Variants in CSMD1 observed in about 807,000 individuals in gnomAD.
CSMD1 encodes the protein CUB and Sushi multiple domains 1.
CSMD1 carries 213 observed loss-of-function variants against 417.5 expected under a neutral mutation model. That is an observed-to-expected ratio of 0.51 (90% confidence interval 0.46 to 0.57). CSMD1 has a LOEUF of 0.57. Ranked by LOEUF, CSMD1 falls within the 20% of genes least tolerant of loss-of-function variation. The probability of loss-of-function intolerance (pLI) is 0.00; values close to 1 mark genes in which losing one functional copy is unlikely to be tolerated. For synonymous variants in CSMD1, 2,862 were observed against 1,736.8 expected (o/e 1.65, Z -16.11); for missense variants, 6,923 against 4,529.7 (o/e 1.53, Z -15.17).
intron 3 of CSMD1, among the ~76,000 whole-genome samples, chr8:4,169,704 G>C (rs1359930334): frequency 1.3e-5 from 2 of 152,096 alleles, no homozygotes; most frequent in East Asian, 1.9e-4. Flanking sequence ...CCCTGTGCAT[G>C]GCTTGCTCCC....
At chr8:4,533,693 AG>A (rs2130474427) in intron 2 of CSMD1, among the ~76,000 whole-genome samples, 1 of 152,296 alleles carries the variant, frequency 6.6e-6, no homozygotes, top group African/African-American at 2.4e-5. Context: ...ATCATCAAAA[AG>A]TTTACAAATG....
At chr8:4,020,410 T>A (rs1261563280) in intron 4 of CSMD1, among the ~76,000 whole-genome samples, 2 of 152,218 alleles carry the variant, frequency 1.3e-5, no homozygotes, top group Non-Finnish European at 2.9e-5. Flanking sequence ...ATGACATCTG[T>A]TCAAAATATT....
chr8:3,712,840 G>A (rs564008390), intron 6 of CSMD1, among the ~76,000 whole-genome samples: 3 of 152,288 alleles, frequency 2.0e-5, no homozygotes, highest in Non-Finnish European at 4.4e-5. Context: ...GGTCTACAGA[G>A]GCCAGGGCTG....
At chr8:4,438,913 A>C (rs543820767) in intron 2 of CSMD1, among the ~76,000 whole-genome samples, 6 of 152,366 alleles carry the variant, frequency 3.9e-5, no homozygotes, top group African/African-American at 1.2e-4. Context: ...TTAAGTATGC[A>C]TAAGTAACAA....
chr8:4,088,242 G>C (rs1450464786), intron 3 of CSMD1, among the ~76,000 whole-genome samples: 1 of 152,180 alleles, frequency 6.6e-6, no homozygotes, highest in Non-Finnish European at 1.5e-5. Flanking sequence ...CTCAGAAGCT[G>C]AGAAGTAGAT....
At chr8:4,099,349 G>C (rs776557123) in intron 3 of CSMD1, among the ~76,000 whole-genome samples, 1 of 151,908 alleles carries the variant, frequency 6.6e-6, no homozygotes, top group East Asian at 1.9e-4. Flanking sequence ...TTCAACATCT[G>C]TTCAGTCATA....
chr8:4,555,950 A>C (rs1039378633), intron 2 of CSMD1, among the ~76,000 whole-genome samples: 11 of 152,134 alleles, frequency 7.2e-5, no homozygotes, highest in Non-Finnish European at 1.3e-4. Context: ...TTACTTTAGG[A>C]AGTGAATTTC....
At chr8:4,230,049 G>A (rs137887471) in intron 3 of CSMD1, among the ~76,000 whole-genome samples, 34 of 152,236 alleles carry the variant, frequency 2.2e-4, no homozygotes, top group South Asian at 6.2e-4. Flanking sequence ...AACATCTTAC[G>A]TGCGTGCGTG....
At chr8:2,966,005 T>C in intron 58 of CSMD1, 51 bp from the exon 59 acceptor site, 2 of 1,476,266 alleles carry the variant, frequency 1.4e-6, no homozygotes, top group South Asian at 1.2e-5. Context: ...TACCATGAAA[T>C]GAATTAGTCA....
chr8:4,944,948 C>T (rs1808271370), intron 1 of CSMD1, among the ~76,000 whole-genome samples: 1 of 152,176 alleles, frequency 6.6e-6, no homozygotes, highest in African/African-American at 2.4e-5. Context: ...GAGATATTTG[C>T]ATGTCCACGT....
chr8:3,608,326 G>A (rs1584954651), intron 8 of CSMD1, among the ~76,000 whole-genome samples: 1 of 152,140 alleles, frequency 6.6e-6, no homozygotes, highest in African/African-American at 2.4e-5. Context: ...AGACATGAAG[G>A]GGGCCACATT....
chr8:4,643,295 T>G (rs1803320867), intron 1 of CSMD1, among the ~76,000 whole-genome samples: 1 of 152,326 alleles, frequency 6.6e-6, no homozygotes, highest in South Asian at 2.1e-4. Flanking sequence ...TACATCTATT[T>G]TGTGAAAATG....
chr8:3,511,650 C>G (rs1476888840), intron 10 of CSMD1, among the ~76,000 whole-genome samples: 2 of 149,754 alleles, frequency 1.3e-5, no homozygotes, highest in Non-Finnish European at 2.9e-5. Context: ...CCCAGCTACT[C>G]AGGAGGCAAA....
At position 3,072,566 on chromosome 8, in the gene CSMD1, G is replaced by A. The variant is rs7826708; in HGVS notation, c.7474+14531C>T. On this transcript the variant is annotated intron_variant, in intron 49 of 69. Transcript: ENST00000635120. Reference sequence around the variant, plus strand: ...CAGTTCTTGGCGTAGGTGTTTATGTGCATGTGTGCCTGGGTTTCCAGCCCA... The same window carrying A: ...CAGTTCTTGGCGTAGGTGTTTATGTACATGTGTGCCTGGGTTTCCAGCCCA... 8.4e-3 allele frequency among the ~76,000 whole-genome samples: 1,274 copies of A among 152,272 alleles called. 16 individuals carry two copies. Among genetic ancestry groups the A allele is most frequent in the African/African-American group, 0.029 (1,199 of 41,548 alleles).
chr8:4,976,070 TTG>T (rs1810545237), intron 1 of CSMD1, among the ~76,000 whole-genome samples: 1 of 152,180 alleles, frequency 6.6e-6, no homozygotes, highest in South Asian at 2.1e-4. Flanking sequence ...GTGTCAATAA[TTG>T]GTTGACACAT....
chr8:3,658,129 T>G (rs750602901), intron 7 of CSMD1, among the ~76,000 whole-genome samples: 89 of 151,940 alleles, frequency 5.9e-4, no homozygotes, highest in Non-Finnish European at 8.7e-4. Context: ...AAAAACCAAC[T>G]CAAAAACTTC....
chr8:4,812,690 A>G (rs1388466169), intron 1 of CSMD1, among the ~76,000 whole-genome samples: 1 of 152,218 alleles, frequency 6.6e-6, no homozygotes, highest in African/African-American at 2.4e-5. Flanking sequence ...CAAATAAAAT[A>G]TGAAAGAAAC....
intron 5 of CSMD1, among the ~76,000 whole-genome samples, chr8:3,770,883 C>T (rs1044803488): frequency 6.6e-6 from 1 of 152,190 alleles, no homozygotes; most frequent in Non-Finnish European, 1.5e-5. Flanking sequence ...TTTTTAGTCT[C>T]ATAGCATTTT....
intron 3 of CSMD1, among the ~76,000 whole-genome samples, chr8:4,346,904 A>C (rs1039532273): frequency 6.6e-6 from 1 of 152,126 alleles, no homozygotes; most frequent in Non-Finnish European, 1.5e-5. Context: ...ACCTGGCTGG[A>C]CCTCAATCTT....
Sources: allele counts gnomAD v4.1 joint callset (sites outside exome capture counted in the v4.1 genomes callset), GRCh38; gene constraint gnomAD v4.1.1; transcripts MANE v1.5; gene names NCBI Gene and HGNC (gene_info 2026-07-23, HGNC 2026-07-21).